RYR3: variants seen among roughly 807,000 people sequenced by gnomAD.
The protein encoded by RYR3 is brain ryanodine receptor-calcium release channel.
RYR3 carries 207 observed loss-of-function variants against 584.3 expected under a neutral mutation model. The observed-to-expected ratio is 0.35, with a 90% confidence interval of 0.32 to 0.40. The LOEUF is 0.40. Among genes scored for constraint, RYR3 ranks in the 10% least tolerant of loss-of-function variants. RYR3 has a pLI of 1.00. For missense variants in RYR3, 5,616 were observed against 6,089.2 expected, an observed-to-expected ratio of 0.92 and a Z score of 2.59; for synonymous variants, 2,416 against 2,248.5, an observed-to-expected ratio of 1.07 and a Z score of -2.11.
intron 90 of RYR3, among the ~76,000 whole-genome samples, chr15:33,841,150 G>A (rs560378644): frequency 1.6e-4 from 24 of 152,198 alleles, no homozygotes; most frequent in African/African-American, 5.1e-4. Context: ...CCAGGAGGTC[G>A]AGGCTGCAGT....
chr15:33,631,164 C>G lies in RYR3; in HGVS notation c.2784-46C>G. On this transcript the variant is annotated intron_variant, in intron 22 of 103. Coordinates refer to ENST00000634891, the MANE Select transcript of RYR3 (RefSeq NM_001036.6). ...ATGTGAATTAGGGTTCCTGCTGTTC[C>G]TAACACTGCAGTTAACCTTAGTCTT... 2.5e-6 allele frequency: 3 copies of G among 1,202,370 alleles called. No individual in the cohort carries two copies. The South Asian group carries it at 4.1e-5, about 16-fold the overall frequency. 74.5% of individuals were successfully genotyped at this position (1,202,370 alleles called of 1,614,324 possible). A position where few individuals can be genotyped will look rare whatever the true frequency, so the allele number is the denominator to read the frequency against.
At chr15:33,314,885 G>C (rs558663320) in intron 1 of RYR3, among the ~76,000 whole-genome samples, 1 of 151,912 alleles carries the variant, frequency 6.6e-6, no homozygotes, top group Non-Finnish European at 1.5e-5. Context: ...CTGGACTCTA[G>C]CCTGGGCGGC....
chr15:33,488,608 C>CT (rs1330754579), intron 2 of RYR3, among the ~76,000 whole-genome samples: 22 of 152,204 alleles, frequency 1.4e-4, no homozygotes, highest in East Asian at 3.9e-4. Context: ...AATCCCAGCA[C>CT]TTGGGAGGAC....
rs111464795 is a variant in RYR3, at chr15:33,838,694, A to T, written c.12714A>T (p.Pro4238=). 6.2e-7 allele frequency: 1 copy of T among 1,613,976 alleles called. No individual in the cohort carries two copies. Reference sequence around the variant, plus strand: ...AGATCCTGGGTGACATGCCTGACCCAACCCAATTTGGTATCCATGATGACA... The same window carrying T: ...AGATCCTGGGTGACATGCCTGACCCTACCCAATTTGGTATCCATGATGACA... ...VTKILGDMPD[P]TQFGIHDDTM... The change falls in exon 89 of 104, where the codon CCA becomes CCT. Residue 4238 remains proline (P), a synonymous_variant. Transcript: ENST00000634891.
intron 5 of RYR3, among the ~76,000 whole-genome samples, chr15:33,538,092 A>T (rs573499693): frequency 6.6e-6 from 1 of 152,008 alleles, no homozygotes; most frequent in African/African-American, 2.4e-5. Context: ...TGAGATTATT[A>T]ATTATAAGAT....
At chr15:33,603,688 C>T (rs1343212436) in intron 18 of RYR3, among the ~76,000 whole-genome samples, 1 of 152,130 alleles carries the variant, frequency 6.6e-6, no homozygotes, top group African/African-American at 2.4e-5. Context: ...CATACTTTCT[C>T]ATTTTTCTCT....
rs767314207 is a variant in RYR3, at chr15:33,724,138, C to A, written c.6874C>A (p.Leu2292Ile). 2.9e-5 allele frequency: 47 copies of A among 1,612,206 alleles called. No individual in the cohort carries two copies. The highest frequency in any genetic ancestry group is 2.3e-4 in the Admixed American group (14 of 59,962). The stretch of plus-strand genomic sequence containing the variant: ...TGCAATTATGTCATTTTATTCGGCC[C>A]TTATAGATCTACTGGGCCGCTGTGC... ...GNAIMSFYSA[L>I]IDLLGRCAPE... The change falls in exon 45 of 104, where the codon CTT becomes ATT. Residue 2292 changes from leucine (L) to isoleucine (I), a missense_variant. Physicochemically the swap from Leu to Ile is conservative, Grantham distance 5. This residue lies in a region of RYR3 where 1,280 missense variants were observed against 1,426.2 expected (regional missense o/e 0.90). Transcript: ENST00000634891.
At chr15:33,313,833 A>G (rs535688057) in intron 1 of RYR3, among the ~76,000 whole-genome samples, 33 of 152,342 alleles carry the variant, frequency 2.2e-4, no homozygotes, top group African/African-American at 7.0e-4. Context: ...AAAAAAGACC[A>G]TACAATAGCA....
intron 3 of RYR3, among the ~76,000 whole-genome samples, chr15:33,527,379 G>A (rs938755760): frequency 3.9e-5 from 6 of 152,086 alleles, no homozygotes; most frequent in African/African-American, 1.4e-4. Context: ...TCAGGAGTTC[G>A]AGACAGCCTG....
intron 12 of RYR3, among the ~76,000 whole-genome samples, chr15:33,570,643 G>T (rs1343399330): frequency 1.3e-5 from 2 of 151,824 alleles, no homozygotes; most frequent in Admixed American, 6.6e-5. Flanking sequence ...AATTTTGATG[G>T]GTATTAAATT....
At chr15:33,588,292 A>G (rs688939) in intron 16 of RYR3, among the ~76,000 whole-genome samples, 16,052 of 152,258 alleles carry the variant, frequency 0.11, 1,006 homozygotes, top group Middle Eastern at 0.18. Flanking sequence ...GACTAGGAGC[A>G]GAAGTTGAAT....
chr15:33,641,382 A>G (rs2061814987), intron 27 of RYR3, among the ~76,000 whole-genome samples: 1 of 152,204 alleles, frequency 6.6e-6, no homozygotes, highest in African/African-American at 2.4e-5. Context: ...TAAGCCTGAC[A>G]TTTACAAGGT....
chr15:33,447,107 C>T (rs1567255781), intron 1 of RYR3, among the ~76,000 whole-genome samples: 1 of 152,188 alleles, frequency 6.6e-6, no homozygotes, highest in Admixed American at 6.5e-5. Flanking sequence ...ATTATTTAGC[C>T]TGGCGTAGTA....
chr15:33,435,066 C>G (rs561815854), intron 1 of RYR3, among the ~76,000 whole-genome samples: 1 of 152,180 alleles, frequency 6.6e-6, no homozygotes, highest in South Asian at 2.1e-4. Flanking sequence ...ATGATCCGCC[C>G]GCCTCGACCT....
intron 1 of RYR3, among the ~76,000 whole-genome samples, chr15:33,442,277 C>T (rs867072646): frequency 1.3e-5 from 2 of 152,264 alleles, no homozygotes; most frequent in Admixed American, 6.5e-5. Context: ...AACAATATTT[C>T]AGTCAAGCAA....
intron 59 of RYR3, 101 bp from the exon 60 acceptor site, chr15:33,757,374 G>T: frequency 3.1e-6 from 4 of 1,300,276 alleles, no homozygotes; most frequent in Non-Finnish European, 4.3e-6. Flanking sequence ...CAGGACCAGG[G>T]TTCAGAGGCT....
chr15:33,655,319 C>T (rs1042222768), intron 32 of RYR3, among the ~76,000 whole-genome samples: 22 of 152,170 alleles, frequency 1.4e-4, no homozygotes, highest in African/African-American at 5.3e-4. Context: ...AGCTTTTTCC[C>T]ATTAACTTTA....
chr15:33,733,502 G>C (rs564040131), intron 48 of RYR3, among the ~76,000 whole-genome samples: 1 of 152,258 alleles, frequency 6.6e-6, no homozygotes, highest in South Asian at 2.1e-4. Flanking sequence ...ATCCGAAAAG[G>C]CTACATGCTG....
intron 97 of RYR3, 124 bp from the exon 98 acceptor site, chr15:33,854,642 C>G: frequency 7.7e-7 from 1 of 1,300,608 alleles, no homozygotes; most frequent in Non-Finnish European, 1.1e-6. Flanking sequence ...TGGGCCAGCT[C>G]ACAGCACCTC....
Sources: allele counts gnomAD v4.1 joint callset (sites outside exome capture counted in the v4.1 genomes callset), GRCh38; gene constraint gnomAD v4.1.1; regional missense constraint gnomAD v4.1.1; transcripts MANE v1.5; gene names NCBI Gene and HGNC (gene_info 2026-07-23, HGNC 2026-07-21).